Variants in SGCD observed in about 807,000 individuals in gnomAD.
SGCD encodes sarcoglycan delta.
A neutral mutation model predicts 36.6 loss-of-function variants in SGCD; 18 were observed. The ratio of observed to expected loss-of-function variants is 0.49; its 90% CI spans 0.34 to 0.73. SGCD has a LOEUF of 0.73. Ranked by LOEUF, SGCD falls within the 30% of genes least tolerant of loss-of-function variation. The pLI is 0.01. For missense variants in SGCD, 387 were observed against 346.7 expected, an observed-to-expected ratio of 1.12 and a Z score of -0.92; for synonymous variants, 133 against 130.6, an observed-to-expected ratio of 1.02 and a Z score of -0.12.
chr5:155,793,886 T>C, the SGCD span, among the ~76,000 whole-genome samples: 1 of 150,484 alleles, frequency 6.6e-6, no homozygotes, highest in Non-Finnish European at 1.5e-5. Flanking sequence ...AAATAAAGCC[T>C]GTTTGCCTGT....
chr5:155,768,684 C>T, the SGCD span, among the ~76,000 whole-genome samples: 2 of 152,246 alleles, frequency 1.3e-5, no homozygotes, highest in African/African-American at 4.8e-5. Context: ...CAGAAAATCA[C>T]TTGTCTCCTA....
intron 1 of SGCD, among the ~76,000 whole-genome samples, chr5:155,978,679 C>T (rs1214095824): frequency 6.6e-6 from 1 of 152,116 alleles, no homozygotes; most frequent in Admixed American, 6.5e-5. Flanking sequence ...ATGCTGCCAC[C>T]TTCTTAATTA....
chr5:156,702,238 G>A (rs1012641217), intron 7 of SGCD, among the ~76,000 whole-genome samples: 4 of 152,148 alleles, frequency 2.6e-5, no homozygotes, highest in Non-Finnish European at 5.9e-5. Flanking sequence ...AGGGCTGGGT[G>A]ACTAAAATTT....
chr5:155,879,462 G>A (rs183257169), intron 1 of SGCD, among the ~76,000 whole-genome samples: 38 of 152,098 alleles, frequency 2.5e-4, no homozygotes, highest in Admixed American at 1.4e-3. Context: ...CCTGGATAGC[G>A]TTGTCTCCTC....
At chr5:156,479,777 T>C (rs1755343211) in intron 3 of SGCD, among the ~76,000 whole-genome samples, 1 of 152,188 alleles carries the variant, frequency 6.6e-6, no homozygotes, top group Non-Finnish European at 1.5e-5. Context: ...AATTTTGTTC[T>C]TAGAGAGGAG....
intron 7 of SGCD, among the ~76,000 whole-genome samples, chr5:156,720,163 A>G (rs1049993658): frequency 3.3e-5 from 5 of 152,230 alleles, no homozygotes; most frequent in African/African-American, 1.2e-4. Flanking sequence ...AAGTGTTTCA[A>G]TGAACAGTCA....
intron 2 of SGCD, among the ~76,000 whole-genome samples, chr5:156,120,995 C>A (rs919728): frequency 0.3 from 45,165 of 151,902 alleles, 7,324 homozygotes; most frequent in Non-Finnish European, 0.36. Flanking sequence ...ATAAATGAAT[C>A]AGAAAACATG....
At chr5:156,180,843 G>A (rs1317796882) in intron 3 of SGCD, among the ~76,000 whole-genome samples, 2 of 136,298 alleles carry the variant, frequency 1.5e-5, no homozygotes, top group African/African-American at 5.7e-5. Flanking sequence ...TAAGGGGAAG[G>A]CAAAGGGTAG....
intron 3 of SGCD, among the ~76,000 whole-genome samples, chr5:156,364,397 C>A (rs1175097080): frequency 1.3e-5 from 2 of 151,638 alleles, no homozygotes; most frequent in African/African-American, 4.9e-5. Flanking sequence ...CAATGAAATC[C>A]ATGAAATACT....
intron 4 of SGCD, 122 bp downstream of exon 4, chr5:156,508,824 G>A: frequency 7.2e-6 from 4 of 558,900 alleles, no homozygotes; most frequent in Admixed American, 3.3e-5. Context: ...GTATTAAGAT[G>A]AATTTGCTTT....
intron 2 of SGCD, among the ~76,000 whole-genome samples, chr5:156,122,880 A>C (rs983689681): frequency 7.5e-6 from 1 of 132,708 alleles, no homozygotes; most frequent in African/African-American, 2.8e-5. Context: ...AAAAAAAAAA[A>C]AAAAGGTCAG....
intron 3 of SGCD, among the ~76,000 whole-genome samples, chr5:156,148,423 A>G (rs917267125): frequency 6.6e-6 from 1 of 152,090 alleles, no homozygotes; most frequent in Admixed American, 6.5e-5. Flanking sequence ...TTTGGCATCT[A>G]TTTATTTTAT....
At position 156,172,987 on chromosome 5, in the gene SGCD, A is replaced by G. The variant is rs929009111; in HGVS notation, c.-44+48968A>G. Among the ~76,000 whole-genome samples, 11 of 152,236 alleles carry G rather than the reference A, an allele frequency of 7.2e-5. No individual in the cohort carries two copies. The South Asian group carries it at 8.3e-4, about 11-fold the overall frequency. ...AATCACTATGATCTTGCCAAATTTT[A>G]TATACATTAATCAGAAAAATATATT... is the stretch of plus-strand genomic sequence containing the variant. On this transcript the variant is annotated intron_variant, in intron 3 of 9. Coordinates refer to the SGCD transcript ENST00000517913.
rs1410833855 is a variant in SGCD, at chr5:155,968,168, G to GTGTGTTT, written c.-282+97749_-282+97755dup. ...TGCAGTGTAGGAAGTTGATCAAAAT[G>GTGTGTTT]TGTGTTTTGTGGATGTTCTAATTTT... On this transcript the variant is annotated intron_variant, in intron 1 of 9. Transcript: ENST00000517913. Among the ~76,000 whole-genome samples, 11 of 152,160 alleles carry GTGTGTTT rather than the reference G, an allele frequency of 7.2e-5. No individual in the cohort carries two copies. The East Asian group carries it at 2.1e-3, about 29-fold the overall frequency.
intron 7 of SGCD, among the ~76,000 whole-genome samples, chr5:156,744,925 C>G (rs1247159605): frequency 6.6e-6 from 1 of 152,212 alleles, no homozygotes; most frequent in Non-Finnish European, 1.5e-5. Context: ...AGTTCCCTAA[C>G]CAGTCCACCC....
At chr5:155,987,803 C>T (rs1212972035) in intron 1 of SGCD, among the ~76,000 whole-genome samples, 1 of 152,190 alleles carries the variant, frequency 6.6e-6, no homozygotes. Context: ...ATGTCACTCT[C>T]TCCAGATGGC....
At chr5:156,227,616 A>G (rs1274765712) in intron 3 of SGCD, among the ~76,000 whole-genome samples, 8 of 151,532 alleles carry the variant, frequency 5.3e-5, no homozygotes, top group African/African-American at 1.7e-4. Flanking sequence ...TGAATTTTAG[A>G]ATTGTTTTTT....
intron 3 of SGCD, among the ~76,000 whole-genome samples, chr5:156,205,867 T>C (rs1764262103): frequency 6.6e-6 from 1 of 151,702 alleles, no homozygotes. Flanking sequence ...ATGAGGTAAA[T>C]GAACATGGAC....
chr5:156,626,535 G>C (rs1762447721), intron 6 of SGCD, among the ~76,000 whole-genome samples: 1 of 152,180 alleles, frequency 6.6e-6, no homozygotes, highest in Admixed American at 6.5e-5. Context: ...TCTGCCTCCT[G>C]TTCAGAGCAG....
Sources: gnomAD v4.1 joint callset for allele counts (sites outside exome capture counted in the v4.1 genomes callset) on GRCh38, gnomAD v4.1.1 for gene constraint, MANE v1.5 for transcripts, NCBI Gene and HGNC (gene_info 2026-07-23, HGNC 2026-07-21) for gene names.